ADCY2: variants seen among roughly 807,000 people sequenced by gnomAD.
ADCY2 encodes adenylate cyclase type 2.
In ADCY2, 31 loss-of-function variants were observed where a neutral mutation model predicts 125.2. The observed-to-expected ratio is 0.25, with a 90% CI of 0.19 to 0.33. ADCY2 has a LOEUF of 0.33. ADCY2 is among the 10% of genes least tolerant of loss of function. The pLI, the probability that ADCY2 is intolerant of heterozygous loss-of-function variation, is 1.00. For synonymous variants in ADCY2, 512 were observed against 548.4 expected (o/e 0.93, Z 0.93); for missense variants, 904 against 1,418.2 (o/e 0.64, Z 5.82).
At chr5:7,729,630 A>C (rs1307988722) in intron 14 of ADCY2, among the ~76,000 whole-genome samples, 7 of 150,862 alleles carry the variant, frequency 4.6e-5, no homozygotes, top group African/African-American at 1.7e-4. Flanking sequence ...AAGCAACTTT[A>C]TTAGAAAGTA....
At chr5:7,488,610 T>G (rs536411235) in intron 2 of ADCY2, among the ~76,000 whole-genome samples, 1 of 152,346 alleles carries the variant, frequency 6.6e-6, no homozygotes, top group Non-Finnish European at 1.5e-5. Context: ...GTGGCTTTTC[T>G]TTTGTCTGCT....
chr5:7,682,684 G>A (rs1277948261), intron 4 of ADCY2, among the ~76,000 whole-genome samples: 1 of 152,198 alleles, frequency 6.6e-6, no homozygotes, highest in East Asian at 1.9e-4. Flanking sequence ...AGATCATAGT[G>A]TTCCTTTTCT....
intron 2 of ADCY2, among the ~76,000 whole-genome samples, chr5:7,451,769 A>AT (rs1020011673): frequency 4.0e-5 from 6 of 151,778 alleles, no homozygotes; most frequent in Middle Eastern, 3.4e-3. Flanking sequence ...ATCCTTTTAA[A>AT]TTTTTTTTTA....
intron 3 of ADCY2, among the ~76,000 whole-genome samples, chr5:7,531,726 T>G (rs977056732): frequency 2.0e-5 from 3 of 152,204 alleles, no homozygotes; most frequent in African/African-American, 7.2e-5. Context: ...CTGTCTCTCA[T>G]AAGGACATGA....
intron 18 of ADCY2, chr5:7,782,100 T>C (rs1399467911): frequency 6.0e-6 from 1 of 166,506 alleles, no homozygotes. Flanking sequence ...GGTATGCCAG[T>C]TGGCTCTGTG....
At position 7,471,377 on chromosome 5, in the gene ADCY2, AT is replaced by A. The variant is rs538313007; in HGVS notation, c.409-49360del. 8.6e-5 allele frequency among the ~76,000 whole-genome samples: 13 copies of A among 150,594 alleles called. No individual in the cohort carries two copies. In the East Asian group the frequency reaches 2.5e-3, roughly 29 times the overall value. On this transcript the variant is annotated intron_variant, in intron 2 of 24. Transcript: ENST00000338316. ...TGATTATTTTTAATGATTTAAAAAA[AT>A]CTCCCATTTTGGCTTATTATTTATA...
At chr5:7,646,421 A>G (rs181930053) in intron 4 of ADCY2, among the ~76,000 whole-genome samples, 2 of 152,116 alleles carry the variant, frequency 1.3e-5, no homozygotes, top group African/African-American at 4.8e-5. Flanking sequence ...TTTTAATTTC[A>G]TACAGCTTTA....
chr5:7,645,894 G>A (rs567415667), intron 4 of ADCY2, among the ~76,000 whole-genome samples: 5 of 152,314 alleles, frequency 3.3e-5, no homozygotes, highest in African/African-American at 1.2e-4. Context: ...AACAACACCA[G>A]TTGTCAAAAA....
At chr5:7,539,788 G>A (rs915945520) in intron 3 of ADCY2, among the ~76,000 whole-genome samples, 1 of 152,214 alleles carries the variant, frequency 6.6e-6, no homozygotes, top group Non-Finnish European at 1.5e-5. Context: ...CAAATGGTGT[G>A]ACTGTTGGCC....
intron 4 of ADCY2, among the ~76,000 whole-genome samples, chr5:7,656,180 A>G (rs1448683750): frequency 2.7e-5 from 4 of 149,826 alleles, no homozygotes; most frequent in African/African-American, 7.4e-5. Context: ...TCAGCCTCCC[A>G]AGTAACTGGG....
At chr5:7,668,141 A>G (rs1315789212) in intron 4 of ADCY2, among the ~76,000 whole-genome samples, 1 of 152,214 alleles carries the variant, frequency 6.6e-6, no homozygotes, top group Non-Finnish European at 1.5e-5. Flanking sequence ...CAATTTGGGT[A>G]GGCCATGGTA....
intron 22 of ADCY2, 56 bp downstream of exon 22, chr5:7,804,748 C>A: frequency 1.5e-6 from 2 of 1,315,274 alleles, no homozygotes; most frequent in South Asian, 2.4e-5. Flanking sequence ...ATCCACAAAC[C>A]ACCCTGGGAC....
At chr5:7,656,583 C>A (rs926283028) in intron 4 of ADCY2, among the ~76,000 whole-genome samples, 1 of 152,202 alleles carries the variant, frequency 6.6e-6, no homozygotes, top group South Asian at 2.1e-4. Flanking sequence ...GCCCTGAGGG[C>A]CTTCCTCATT....
intron 4 of ADCY2, among the ~76,000 whole-genome samples, chr5:7,669,422 G>A (rs1183378084): frequency 6.6e-6 from 1 of 152,040 alleles, no homozygotes; most frequent in Non-Finnish European, 1.5e-5. Context: ...ATGATATAGG[G>A]GAGGATCTGG....
intron 5 of ADCY2, among the ~76,000 whole-genome samples, chr5:7,693,413 G>GTTTTGTTTTTTTT (rs1740779550): frequency 2.2e-4 from 7 of 32,424 alleles, no homozygotes; most frequent in East Asian, 2.4e-3. Flanking sequence ...GCTGTTTTTT[G>GTTTTGTTTTTTTT]TTTTTTTTTT....
chr5:7,808,136 G>A (rs190352550), intron 22 of ADCY2, among the ~76,000 whole-genome samples: 263 of 152,250 alleles, frequency 1.7e-3, no homozygotes, highest in Middle Eastern at 3.4e-3. Flanking sequence ...AGGCTTTCCC[G>A]TGCCCCAACC....
At position 7,399,805 on chromosome 5, in the gene ADCY2, A is replaced by G. The variant is rs145275322; in HGVS notation, c.210+3299A>G. ...TGTTGAGTGCCTACCAAGTGCCAGG[A>G]ATGGCAATAATGCTGGGCATGGGGA... On this transcript the variant is annotated intron_variant, in intron 1 of 24. Transcript: ENST00000338316. 3.9e-5 allele frequency among the ~76,000 whole-genome samples: 6 copies of G among 152,374 alleles called. No individual in the cohort carries two copies. In the East Asian group the frequency reaches 1.2e-3, roughly 29 times the overall value.
intron 3 of ADCY2, among the ~76,000 whole-genome samples, chr5:7,543,765 G>C (rs908238874): frequency 6.6e-6 from 1 of 152,008 alleles, no homozygotes; most frequent in African/African-American, 2.4e-5. Context: ...TGTAATCCCA[G>C]CACTTTGGGA....
intron 11 of ADCY2, among the ~76,000 whole-genome samples, chr5:7,715,365 T>A (rs572378573): frequency 6.6e-6 from 1 of 152,310 alleles, no homozygotes; most frequent in African/African-American, 2.4e-5. Flanking sequence ...CATTTTCCTG[T>A]AAGCCTCAAC....
Sources: gnomAD v4.1 joint callset for allele counts (sites outside exome capture counted in the v4.1 genomes callset) on GRCh38, gnomAD v4.1.1 for gene constraint, MANE v1.5 for transcripts, NCBI Gene and HGNC (gene_info 2026-07-23, HGNC 2026-07-21) for gene names.